The following PDLIM5 variants were observed in gnomAD, a reference collection of about 807,000 sequenced individuals.
PDLIM5 encodes the protein PDZ and LIM domain protein 5.
In PDLIM5, 34 loss-of-function variants were observed where a neutral mutation model predicts 64.2. The ratio of observed to expected loss-of-function variants is 0.53; its 90% CI spans 0.40 to 0.71. The LOEUF (loss-of-function observed/expected upper bound fraction) is 0.71. Among genes scored for constraint, PDLIM5 ranks in the 30% least tolerant of loss-of-function variants. The pLI is 0.00. For missense variants in PDLIM5, 683 were observed against 733.6 expected, an observed-to-expected ratio of 0.93 and a Z score of 0.80; for synonymous variants, 253 against 269.1, an observed-to-expected ratio of 0.94 and a Z score of 0.59.
chr4:94,563,014 T>A (rs932500831), intron 3 of PDLIM5, among the ~76,000 whole-genome samples: 9 of 152,172 alleles, frequency 5.9e-5, no homozygotes, highest in African/African-American at 2.2e-4. Flanking sequence ...ACAAGTCTTC[T>A]ATTATAAGCA....
chr4:94,630,696 A>G (rs1328698416), intron 8 of PDLIM5, among the ~76,000 whole-genome samples: 3 of 152,136 alleles, frequency 2.0e-5, no homozygotes, highest in Admixed American at 1.3e-4. Context: ...GATATTTTCA[A>G]TATCAGCCTT....
At chr4:94,524,487 A>T (rs1367564163) in intron 3 of PDLIM5, among the ~76,000 whole-genome samples, 2 of 151,490 alleles carry the variant, frequency 1.3e-5, no homozygotes, top group African/African-American at 4.8e-5. Context: ...AATTCTGAGC[A>T]TTATATTAAA....
intron 8 of PDLIM5, among the ~76,000 whole-genome samples, chr4:94,633,190 C>T (rs978806464): frequency 2.6e-5 from 4 of 151,892 alleles, no homozygotes; most frequent in East Asian, 1.9e-4. Context: ...GGCCGGGGAG[C>T]GAGGAGTGGA....
At position 94,612,289 on chromosome 4, in the gene PDLIM5, T is replaced by C. The variant is rs1024649982; in HGVS notation, c.921-5715T>C. On this transcript the variant is annotated intron_variant, in intron 7 of 12. Coordinates refer to ENST00000317968, the MANE Select transcript of PDLIM5 (RefSeq NM_006457.5). ...ATTTACCTATTATTCTGGGTAACTT[T>C]TAAGGGAGGTGTTTAAACAAGGGAG... Among the ~76,000 whole-genome samples the C allele has an allele frequency of 2.0e-5, 3 of 152,122 alleles. No homozygotes were observed. In the East Asian group the frequency reaches 5.8e-4, roughly 29 times the overall value.
intron 7 of PDLIM5, chr4:94,608,266 GTTGA>G (rs1738087553): frequency 6.8e-6 from 6 of 886,754 alleles, no homozygotes; most frequent in Non-Finnish European, 9.9e-6. Flanking sequence ...AAAAATGATT[GTTGA>G]TTACAGAACG....
At chr4:94,498,874 T>C (rs189180485) in intron 2 of PDLIM5, among the ~76,000 whole-genome samples, 11 of 152,372 alleles carry the variant, frequency 7.2e-5, no homozygotes, top group Non-Finnish European at 1.0e-4. Flanking sequence ...TTTACTTTAT[T>C]ATGTGACTTC....
At chr4:94,596,014 A>G (rs1310002586) in intron 7 of PDLIM5, among the ~76,000 whole-genome samples, 5 of 152,084 alleles carry the variant, frequency 3.3e-5, no homozygotes, top group African/African-American at 1.2e-4. Flanking sequence ...TTTGTAATTG[A>G]TCTTTGATTT....
chr4:94,463,957 C>G (rs1724121099), intron 2 of PDLIM5, among the ~76,000 whole-genome samples: 1 of 152,140 alleles, frequency 6.6e-6, no homozygotes, highest in African/African-American at 2.4e-5. Flanking sequence ...TGAAGGTATA[C>G]TAATGTGTGG....
rs1725446063 is a variant in PDLIM5 at position 94,477,671 on chromosome 4, C to G, written c.96+22287C>G. Among the ~76,000 whole-genome samples, 4 of 152,172 alleles carry G rather than the reference C, an allele frequency of 2.6e-5. 1 individual carries two copies. In the South Asian group the frequency reaches 8.3e-4, roughly 32 times the overall value. Reference sequence around the variant, plus strand: ...TATGGTTTTATGTATACAGCTGACTCCTGAACCACATGAGTTTGAACTGCA... The same window carrying G: ...TATGGTTTTATGTATACAGCTGACTGCTGAACCACATGAGTTTGAACTGCA... On this transcript the variant is annotated intron_variant, in intron 2 of 12. Coordinates refer to ENST00000317968, the MANE Select transcript of PDLIM5 (RefSeq NM_006457.5).
At chr4:94,573,009 T>G (rs887312972) in intron 3 of PDLIM5, among the ~76,000 whole-genome samples, 2 of 152,238 alleles carry the variant, frequency 1.3e-5, no homozygotes, top group African/African-American at 4.8e-5. Flanking sequence ...CAGAAGGTCA[T>G]GTTTATTATA....
intron 3 of PDLIM5, among the ~76,000 whole-genome samples, chr4:94,533,887 CAG>C (rs2110163551): frequency 6.6e-6 from 1 of 152,218 alleles, no homozygotes; most frequent in African/African-American, 2.4e-5. Flanking sequence ...CTGACAAAGT[CAG>C]AAAGATAATG....
intron 2 of PDLIM5, among the ~76,000 whole-genome samples, chr4:94,499,851 C>T (rs1018848440): frequency 6.6e-6 from 1 of 152,162 alleles, no homozygotes; most frequent in African/African-American, 2.4e-5. Flanking sequence ...ACTGCACGTG[C>T]AAGGGATCTG....
intron 8 of PDLIM5, among the ~76,000 whole-genome samples, chr4:94,637,098 A>G (rs1361202852): frequency 1.3e-5 from 2 of 152,198 alleles, no homozygotes; most frequent in African/African-American, 2.4e-5. Flanking sequence ...TGAATAAACT[A>G]TAGCATAGTT....
chr4:94,605,257 A>G (rs1298799557), intron 7 of PDLIM5, among the ~76,000 whole-genome samples: 1 of 152,158 alleles, frequency 6.6e-6, no homozygotes, highest in Admixed American at 6.6e-5. Flanking sequence ...GTCCTACAGG[A>G]TGGTAAGGAT....
chr4:94,525,427 C>CA (rs140722914), intron 3 of PDLIM5, among the ~76,000 whole-genome samples: 7 of 145,904 alleles, frequency 4.8e-5, no homozygotes, highest in African/African-American at 1.9e-4. Flanking sequence ...CCCCACCCCC[C>CA]AAAAAAATAT....
intron 3 of PDLIM5, among the ~76,000 whole-genome samples, chr4:94,572,947 A>T (rs1277279662): frequency 7.9e-5 from 12 of 152,236 alleles, no homozygotes. Context: ...GAAAAGACAG[A>T]TACTGTTGGA....
chr4:94,497,237 C>T (rs1050806122), intron 2 of PDLIM5, among the ~76,000 whole-genome samples: 8 of 152,240 alleles, frequency 5.3e-5, no homozygotes, highest in African/African-American at 1.9e-4. Context: ...GCTTTTGTAT[C>T]CCTAATGATG....
intron 3 of PDLIM5, among the ~76,000 whole-genome samples, chr4:94,559,225 C>T (rs1390960845): frequency 6.6e-6 from 1 of 152,156 alleles, no homozygotes; most frequent in Non-Finnish European, 1.5e-5. Context: ...TGAACATAGG[C>T]TACAGCAAGT....
At chr4:94,583,676 T>TA (rs1364540977) in intron 5 of PDLIM5, among the ~76,000 whole-genome samples, 18 of 152,204 alleles carry the variant, frequency 1.2e-4, no homozygotes, top group African/African-American at 4.1e-4. Flanking sequence ...ACTTGTGGAA[T>TA]CATGATATTA....
Sources: allele counts gnomAD v4.1 joint callset (sites outside exome capture counted in the v4.1 genomes callset), GRCh38; gene constraint gnomAD v4.1.1; transcripts MANE v1.5; gene names NCBI Gene and HGNC (gene_info 2026-07-23, HGNC 2026-07-21).